The following KCNJ4 variants were observed in gnomAD, a reference collection of about 807,000 sequenced individuals.
The protein encoded by KCNJ4 is inward rectifier potassium channel 4.
In KCNJ4, 3 loss-of-function variants were observed where a neutral mutation model predicts 25.6. The observed-to-expected ratio is 0.12, with a 90% CI of 0.05 to 0.30. The LOEUF is 0.30. KCNJ4 is among the 10% of genes least tolerant of loss of function. The pLI is 1.00. For synonymous variants in KCNJ4, 257 were observed against 283.9 expected, an observed-to-expected ratio of 0.91 and a Z score of 0.95; for missense variants, 286 against 666.8, an observed-to-expected ratio of 0.43 and a Z score of 6.29.
chr22:38,431,651 C>T (rs1415834810), intron 1 of KCNJ4, among the ~76,000 whole-genome samples: 1 of 152,220 alleles, frequency 6.6e-6, no homozygotes, highest in East Asian at 1.9e-4. Context: ...TCTGTGACAT[C>T]CCATCCCCCT....
chr22:38,436,384 T>C (rs2093065464), intron 1 of KCNJ4, among the ~76,000 whole-genome samples: 1 of 152,170 alleles, frequency 6.6e-6, no homozygotes, highest in South Asian at 2.1e-4. Context: ...AGGGAGCTGG[T>C]GGGCAAGAAG....
At chr22:38,446,253 C>G (rs2089374087) in intron 1 of KCNJ4, among the ~76,000 whole-genome samples, 1 of 152,244 alleles carries the variant, frequency 6.6e-6, no homozygotes, top group Admixed American at 6.5e-5. Flanking sequence ...CCTGTTGTCT[C>G]AGGGAGCCGG....
At chr22:38,432,390 G>A (rs990027001) in intron 1 of KCNJ4, among the ~76,000 whole-genome samples, 3 of 152,182 alleles carry the variant, frequency 2.0e-5, no homozygotes, top group African/African-American at 4.8e-5. Context: ...GGCCTAATTT[G>A]CTTGCATGGA....
intron 1 of KCNJ4, among the ~76,000 whole-genome samples, chr22:38,436,440 C>T (rs981872984): frequency 2.6e-5 from 4 of 152,164 alleles, no homozygotes; most frequent in Admixed American, 1.3e-4. Context: ...GGAACCAAGC[C>T]GAGTCCCACT....
In KCNJ4 at chr22:38,443,125, T is replaced by C. The variant is rs1381042324; in HGVS notation, c.-40+11855A>G. ...CCCTCCAGAGCTCCTCTGTGCCCCCTTCCCTCTCAGCAGCTCTGATGGAGG... is the reference window on the plus strand; with the variant it reads ...CCCTCCAGAGCTCCTCTGTGCCCCCCTCCCTCTCAGCAGCTCTGATGGAGG... On this transcript the variant is annotated intron_variant, in intron 1 of 1. Coordinates refer to ENST00000303592, the MANE Select transcript of KCNJ4 (RefSeq NM_152868.3). This position sits in a 1 kb window ranked among gnomAD's most constrained non-coding sequence, Gnocchi z 4.1. Among the ~76,000 whole-genome samples the C allele has an allele frequency of 6.6e-6, 1 of 152,080 alleles. No individual in the cohort carries two copies. Among genetic ancestry groups the C allele is most frequent in the Non-Finnish European group, 1.5e-5 (1 of 67,998 alleles).
At chr22:38,433,446 C>CAAAAAAAAAAAA (rs1569119939) in intron 1 of KCNJ4, among the ~76,000 whole-genome samples, 1 of 151,862 alleles carries the variant, frequency 6.6e-6, no homozygotes, top group African/African-American at 2.4e-5. Context: ...AACTCCGTCT[C>CAAAAAAAAAAAA]AAAAAATAAA....
In KCNJ4 at chr22:38,450,270, T is replaced by C. The variant is rs535265677; in HGVS notation, c.-40+4710A>G. On this transcript the variant is annotated intron_variant, in intron 1 of 1. Transcript: ENST00000303592. The stretch of plus-strand genomic sequence containing the variant: ...GCCTGCCCCTTGCCAGGACCCACAG[T>C]CCTCCCATCGTTGGGAGGAGCGCTT... Among the ~76,000 whole-genome samples, 11 of 151,816 alleles carry C rather than the reference T, an allele frequency of 7.2e-5. No homozygotes were observed. The South Asian group carries it at 2.3e-3, about 32-fold the overall frequency.
chr22:38,430,878 GA>G (rs1456293917), intron 1 of KCNJ4, among the ~76,000 whole-genome samples: 1 of 152,230 alleles, frequency 6.6e-6, no homozygotes, highest in Non-Finnish European at 1.5e-5. Flanking sequence ...CCAGAGATAG[GA>G]AGGACTTGCT....
chr22:38,427,824 A>G lies in KCNJ4; in HGVS notation c.309T>C (p.Gly103=). 7 of 1,608,618 alleles carry G rather than the reference A, an allele frequency of 4.4e-6. No homozygotes were observed. The highest frequency in any genetic ancestry group is 5.9e-6 in the Non-Finnish European group (7 of 1,177,854). The change falls in exon 2 of 2, where the codon GGT becomes GGC. Residue 103 remains glycine (G), a synonymous_variant. Coordinates refer to ENST00000303592, the MANE Select transcript of KCNJ4 (RefSeq NM_152868.3). ...TGGGGGCCACCGGGGCTGCTCCGCC[A>G]CCACCCGCCGCCGGGCCCCCCGCCG... ...VPAAGGPAAG[G]GGAAPVAPKP... is the part of the protein sequence containing the mutation.
At position 38,427,782 on chromosome 22, in the gene KCNJ4, G is replaced by A. The variant is rs927388758; in HGVS notation, c.351C>T (p.His117=). Residue 117 remains histidine, a synonymous_variant, in exon 2 of 2, where the codon CAC becomes CAT. Coordinates refer to ENST00000303592, the MANE Select transcript of KCNJ4 (RefSeq NM_152868.3). ...APVAPKPCIM[H]VNGFLGAFLF... The stretch of plus-strand genomic sequence containing the variant: ...GGAAGGCACCCAGGAAGCCGTTCAC[G>A]TGCATGATGCAGGGCTTGGGGGCCA... 2.5e-6 allele frequency: 4 copies of A among 1,609,244 alleles called. No individual in the cohort carries two copies. The highest frequency in any genetic ancestry group is 2.7e-5 in the African/African-American group (2 of 74,710).
chr22:38,452,628 T>C (rs939609488), intron 1 of KCNJ4, among the ~76,000 whole-genome samples: 13 of 151,986 alleles, frequency 8.6e-5, no homozygotes, highest in African/African-American at 3.1e-4. Flanking sequence ...AGACGACAGA[T>C]TGCGTGAGCC....
At position 38,426,618 on chromosome 22, in the gene KCNJ4, C is replaced by A; in HGVS notation, c.*177G>T. On this transcript the variant is annotated 3_prime_UTR_variant, in exon 2 of 2. Coordinates refer to ENST00000303592, the MANE Select transcript of KCNJ4 (RefSeq NM_152868.3). Reference sequence around the variant, plus strand: ...CAGGCTGATCGGGGCCGAGCTCTTCCCAGGCCTGGGTGCTGGAGTCAGGAG... The same window carrying A: ...CAGGCTGATCGGGGCCGAGCTCTTCACAGGCCTGGGTGCTGGAGTCAGGAG... The A allele has an allele frequency of 1.3e-6, 1 of 796,766 alleles. No homozygotes were observed. 49.4% of individuals were successfully genotyped at this position (796,766 alleles called of 1,614,324 possible). A position where few individuals can be genotyped will look rare whatever the true frequency, so the allele number is the denominator to read the frequency against.
chr22:38,444,734 G>T (rs1033717160), intron 1 of KCNJ4, among the ~76,000 whole-genome samples: 7 of 152,200 alleles, frequency 4.6e-5, no homozygotes. Context: ...CTGACAGAAC[G>T]CCTGCCATGG....
intron 1 of KCNJ4, among the ~76,000 whole-genome samples, chr22:38,437,103 C>T (rs2093067620): frequency 6.6e-6 from 1 of 152,224 alleles, no homozygotes; most frequent in Admixed American, 6.5e-5. Context: ...TCCACAGGGG[C>T]TTGGAGCAGC....
rs1051738479 is a variant in KCNJ4, at chr22:38,443,024, G to A, written c.-40+11956C>T. On this transcript the variant is annotated intron_variant, in intron 1 of 1. Coordinates refer to ENST00000303592, the MANE Select transcript of KCNJ4 (RefSeq NM_152868.3). This position sits in a 1 kb window ranked among gnomAD's most constrained non-coding sequence, Gnocchi z 4.1. ...TCTCACAGTGTTGGCATGAGCCACC[G>A]TGCCCGGCCTGCAGCCCTTCTTGAA... 1.3e-5 allele frequency among the ~76,000 whole-genome samples: 2 copies of A among 152,064 alleles called. No individual in the cohort carries two copies. The highest frequency in any genetic ancestry group is 2.9e-5 in the Non-Finnish European group (2 of 67,998).
rs1392207816 is a variant in KCNJ4 at position 38,449,068 on chromosome 22, C to A, written c.-40+5912G>T. On this transcript the variant is annotated intron_variant, in intron 1 of 1. Coordinates refer to ENST00000303592, the MANE Select transcript of KCNJ4 (RefSeq NM_152868.3). This position sits in a 1 kb window ranked among gnomAD's most constrained non-coding sequence, Gnocchi z 5.2. ...TTGACCTGCCAATGTCTCTCTGGGG[C>A]ACCTCACCCTCCCCTGCCTGCCAAG... Among the ~76,000 whole-genome samples, 1 of 152,188 alleles carries A rather than the reference C, an allele frequency of 6.6e-6. No individual in the cohort carries two copies. The highest frequency in any genetic ancestry group is 1.5e-5 in the Non-Finnish European group (1 of 68,010).
intron 1 of KCNJ4, among the ~76,000 whole-genome samples, chr22:38,451,159 G>A (rs551184920): frequency 1.3e-5 from 2 of 152,312 alleles, no homozygotes; most frequent in East Asian, 1.9e-4. Flanking sequence ...GAAGCGATGG[G>A]CACTGCTTCC....
rs182028565 is a variant in KCNJ4, at chr22:38,433,695, C to G, written c.-39-5524G>C. Among the ~76,000 whole-genome samples, 9 of 152,146 alleles carry G rather than the reference C, an allele frequency of 5.9e-5. 1 individual carries two copies. Among genetic ancestry groups the G allele is most frequent in the Non-Finnish European group, 8.8e-5 (6 of 68,042 alleles). On this transcript the variant is annotated intron_variant, in intron 1 of 1. Transcript: ENST00000303592. ...AGACTTCATTAGCCAGCTGGGGAAA[C>G]CGAGGCCAAGAACAGGGCATGGCAC...
intron 1 of KCNJ4, among the ~76,000 whole-genome samples, chr22:38,439,891 C>A (rs1262221048): frequency 5.6e-5 from 8 of 143,726 alleles, no homozygotes; most frequent in Non-Finnish European, 7.6e-5. Flanking sequence ...GAGATTGAGA[C>A]CATCTTGGCT....
Sources: allele counts gnomAD v4.1 joint callset (sites outside exome capture counted in the v4.1 genomes callset), GRCh38; gene constraint gnomAD v4.1.1; non-coding constraint Gnocchi (gnomAD v3.1); transcripts MANE v1.5; gene names NCBI Gene and HGNC (gene_info 2026-07-23, HGNC 2026-07-21).